The following PID1 variants were observed in gnomAD, a reference collection of about 807,000 sequenced individuals.
The protein encoded by PID1 is phosphotyrosine interaction domain containing 1.
In PID1, 10 loss-of-function variants were observed where a neutral mutation model predicts 19.1. That is an observed-to-expected ratio of 0.52 (90% CI 0.32 to 0.89). The LOEUF is 0.89. PID1 is among the 40% of genes least tolerant of loss of function. The pLI is 0.03. For missense variants in PID1, 248 were observed against 285.3 expected (o/e 0.87, Z 0.94); for synonymous variants, 130 against 116.0 (o/e 1.12, Z -0.78).
intron 1 of PID1, among the ~76,000 whole-genome samples, chr2:229,194,546 C>T (rs1209271018): frequency 6.6e-6 from 1 of 151,894 alleles, no homozygotes; most frequent in African/African-American, 2.4e-5. Flanking sequence ...AATAAGATTA[C>T]ACTAAATACA....
chr2:229,114,135 T>TTCTCTCTCTCTCTCTC (rs1446456698), intron 2 of PID1, among the ~76,000 whole-genome samples: 2 of 93,700 alleles, frequency 2.1e-5, no homozygotes, highest in South Asian at 3.7e-4. Flanking sequence ...CTCTCTCTCT[T>TTCTCTCTCTCTCTCTC]TCTCTCTCTC....
intron 2 of PID1, among the ~76,000 whole-genome samples, chr2:229,144,315 T>C (rs1690080447): frequency 6.6e-6 from 1 of 152,046 alleles, no homozygotes. Flanking sequence ...AGACAGAGTC[T>C]ACTCAGGAAC....
intron 1 of PID1, among the ~76,000 whole-genome samples, chr2:229,249,827 A>G (rs1045850662): frequency 1.8e-5 from 2 of 112,992 alleles, no homozygotes; most frequent in Non-Finnish European, 4.4e-5. Context: ...GGCGGCTGAC[A>G]GGAGTATGAT....
chr2:229,068,323 T>C (rs952531923), intron 2 of PID1, among the ~76,000 whole-genome samples: 5 of 152,164 alleles, frequency 3.3e-5, no homozygotes, highest in African/African-American at 1.2e-4. Flanking sequence ...CTTTAATGCT[T>C]GGCTCATGAG....
At chr2:229,125,984 T>C (rs928787831) in intron 2 of PID1, among the ~76,000 whole-genome samples, 9 of 152,128 alleles carry the variant, frequency 5.9e-5, no homozygotes, top group Admixed American at 1.3e-4. Context: ...TAGAGAGCAA[T>C]AGAGGATAAT....
intron 2 of PID1, among the ~76,000 whole-genome samples, chr2:229,082,734 A>C (rs1338000437): frequency 6.6e-6 from 1 of 152,180 alleles, no homozygotes; most frequent in African/African-American, 2.4e-5. Flanking sequence ...CAAAGATCTG[A>C]ATGATTTTGA....
At chr2:229,140,712 A>AATTT (rs1689993956) in intron 2 of PID1, among the ~76,000 whole-genome samples, 2 of 152,188 alleles carry the variant, frequency 1.3e-5, no homozygotes, top group African/African-American at 2.4e-5. Context: ...CATAATAACA[A>AATTT]GATATACATA....
intron 2 of PID1, among the ~76,000 whole-genome samples, chr2:229,035,530 G>A (rs1046480319): frequency 2.0e-5 from 3 of 151,488 alleles, no homozygotes; most frequent in African/African-American, 7.3e-5. Flanking sequence ...GTGTGTGTGT[G>A]TGTGTGTGTG....
At chr2:229,147,309 C>G (rs1690155460) in intron 2 of PID1, among the ~76,000 whole-genome samples, 1 of 151,862 alleles carries the variant, frequency 6.6e-6, no homozygotes, top group South Asian at 2.1e-4. Context: ...TTTTAACATC[C>G]AAATAAATTT....
chr2:229,134,855 T>G (rs1321604011), intron 2 of PID1, among the ~76,000 whole-genome samples: 2 of 152,190 alleles, frequency 1.3e-5, no homozygotes, highest in Admixed American at 1.3e-4. Context: ...TATATTGAAC[T>G]TTTCACCTGA....
chr2:229,077,026 T>C (rs908593298), intron 2 of PID1, among the ~76,000 whole-genome samples: 1 of 152,216 alleles, frequency 6.6e-6, no homozygotes, highest in Non-Finnish European at 1.5e-5. Flanking sequence ...TGTAAAAGCA[T>C]TGCTATTTCT....
chr2:229,097,968 G>A (rs560707351), intron 2 of PID1, among the ~76,000 whole-genome samples: 1 of 152,292 alleles, frequency 6.6e-6, no homozygotes, highest in South Asian at 2.1e-4. Flanking sequence ...TCAAACTCTT[G>A]TTACACTTCT....
At chr2:229,159,506 A>G (rs910219047) in intron 1 of PID1, among the ~76,000 whole-genome samples, 1 of 152,186 alleles carries the variant, frequency 6.6e-6, no homozygotes, top group African/African-American at 2.4e-5. Context: ...TATTCCTCCT[A>G]TGGATGCCAG....
rs1695486481 is a variant in PID1 at position 229,120,066 on chromosome 2, G to C, written c.177+35752C>G. Among the ~76,000 whole-genome samples, 2 of 152,186 alleles carry C rather than the reference G, an allele frequency of 1.3e-5. 1 individual carries two copies. Among genetic ancestry groups the C allele is most frequent in the Middle Eastern group, 6.8e-3 (2 of 294 alleles). On this transcript the variant is annotated intron_variant, in intron 2 of 2. Transcript: ENST00000392055. Reference sequence around the variant, plus strand: ...ACAGGTCACAGACAGCAGACCGTGGGACTTAGCCTCCATAATCATGTGAGC... The same window carrying C: ...ACAGGTCACAGACAGCAGACCGTGGCACTTAGCCTCCATAATCATGTGAGC...
intron 1 of PID1, among the ~76,000 whole-genome samples, chr2:229,254,472 T>G (rs886622448): frequency 6.6e-6 from 1 of 152,196 alleles, no homozygotes; most frequent in Admixed American, 6.5e-5. Flanking sequence ...GCCTTCAAGT[T>G]AGAAAAACGT....
intron 2 of PID1, among the ~76,000 whole-genome samples, chr2:229,098,376 T>A (rs1695011989): frequency 6.6e-6 from 1 of 152,182 alleles, no homozygotes; most frequent in South Asian, 2.1e-4. Context: ...TTAGCAAATG[T>A]TCTAATGGGA....
intron 2 of PID1, among the ~76,000 whole-genome samples, chr2:229,154,212 C>T (rs1362820344): frequency 2.6e-5 from 4 of 151,946 alleles, no homozygotes; most frequent in Non-Finnish European, 5.9e-5. Flanking sequence ...ATTCCCCCAT[C>T]ATAATTAGAA....
chr2:229,052,497 C>T (rs551611248), intron 2 of PID1, among the ~76,000 whole-genome samples: 115 of 152,108 alleles, frequency 7.6e-4, no homozygotes, highest in Middle Eastern at 3.4e-3. Context: ...CTACTGCTAC[C>T]AAGGATCTTT....
chr2:229,197,950 G>A (rs969156150), intron 1 of PID1, among the ~76,000 whole-genome samples: 2 of 151,948 alleles, frequency 1.3e-5, no homozygotes, highest in African/African-American at 4.8e-5. Context: ...TAGTATTCCG[G>A]CTCAAAACCT....
Sources: allele counts gnomAD v4.1 joint callset (sites outside exome capture counted in the v4.1 genomes callset), GRCh38; gene constraint gnomAD v4.1.1; transcripts MANE v1.5; gene names NCBI Gene and HGNC (gene_info 2026-07-23, HGNC 2026-07-21).